The following JAKMIP1 variants were observed in gnomAD, a reference collection of about 807,000 sequenced individuals.
The protein encoded by JAKMIP1 is janus kinase and microtubule interacting protein 1.
Under a neutral mutation model 113.0 loss-of-function variants are expected in JAKMIP1, and 33 were observed. The observed-to-expected ratio is 0.29, with a 90% CI of 0.22 to 0.39. JAKMIP1 has a LOEUF of 0.39. Among genes scored for constraint, JAKMIP1 ranks in the 10% least tolerant of loss-of-function variants. JAKMIP1 has a pLI of 1.00. For missense variants in JAKMIP1, 813 were observed against 1,080.5 expected (o/e 0.75, Z 3.47); for synonymous variants, 480 against 459.9 (o/e 1.04, Z -0.56).
chr4:6,082,256 T>C (rs910233330), intron 5 of JAKMIP1, among the ~76,000 whole-genome samples: 3 of 151,990 alleles, frequency 2.0e-5, no homozygotes, highest in African/African-American at 7.2e-5. Context: ...GGACTGACTC[T>C]AGACCCCTGC....
intron 3 of JAKMIP1, among the ~76,000 whole-genome samples, chr4:6,098,751 G>A (rs112169525): frequency 6.6e-5 from 8 of 120,938 alleles, no homozygotes; most frequent in Admixed American, 2.6e-4. Context: ...AAGGAAGGAA[G>A]GAAAGAAAGA....
rs997131192 is a variant in JAKMIP1, at chr4:6,093,268, C to T, written c.625-7639G>A. 1.3e-5 allele frequency among the ~76,000 whole-genome samples: 2 copies of T among 152,342 alleles called. No individual in the cohort carries two copies. Among genetic ancestry groups the T allele is most frequent in the East Asian group, 3.9e-4 (2 of 5,188 alleles). ...TCCTATTACCAAACCGTCCTGCTCA[C>T]ACTAGAATAATCTGCTCACACTCCA... On this transcript the variant is annotated intron_variant, in intron 3 of 20. Transcript: ENST00000409021. This position sits in a 1 kb window ranked among gnomAD's most constrained non-coding sequence, Gnocchi z 4.6.
chr4:6,060,542 C>A (rs1451046228), intron 10 of JAKMIP1, 35 bp from the exon 11 acceptor site: 1 of 1,504,428 alleles, frequency 6.6e-7, no homozygotes, highest in Non-Finnish European at 9.3e-7. Context: ...GAGCAGGTCA[C>A]CTCCAATGGG....
chr4:6,106,539 CCTCTCT>C lies in JAKMIP1; in HGVS notation c.130-578_130-573del, dbSNP rs111859543. Among the ~76,000 whole-genome samples, 2 of 149,744 alleles carry C rather than the reference CCTCTCT, an allele frequency of 1.3e-5. No homozygotes were observed. Among genetic ancestry groups the C allele is most frequent in the African/African-American group, 4.9e-5 (2 of 40,746 alleles). ...GTGCTCCCTCTCTTTCTCCCTCTCT[CCTCTCT>C]CTCTCTCTCTCTTCCTCTCTCTCTC... On this transcript the variant is annotated intron_variant, in intron 2 of 20. Coordinates refer to ENST00000409021, the MANE Select transcript of JAKMIP1 (RefSeq NM_001099433.2). The surrounding 1 kb of genome is among the most constrained non-coding windows in gnomAD (Gnocchi z 5.9).
In JAKMIP1 at chr4:6,094,767, G is replaced by C. The variant is rs1722576796; in HGVS notation, c.625-9138C>G. Among the ~76,000 whole-genome samples the C allele has an allele frequency of 6.6e-6, 1 of 152,218 alleles. No individual in the cohort carries two copies. The highest frequency in any genetic ancestry group is 1.5e-5 in the Non-Finnish European group (1 of 68,042). On this transcript the variant is annotated intron_variant, in intron 3 of 20. Transcript: ENST00000409021. This position sits in a 1 kb window ranked among gnomAD's most constrained non-coding sequence, Gnocchi z 4.2. Reference sequence around the variant, plus strand: ...CCAGCACTTTGGGAGGCAGAGGCAGGACATTTGCTTTAGCTCAGGAGTTCA... The same window carrying C: ...CCAGCACTTTGGGAGGCAGAGGCAGCACATTTGCTTTAGCTCAGGAGTTCA...
chr4:6,100,016 T>C (rs145667848), intron 3 of JAKMIP1, among the ~76,000 whole-genome samples: 1 of 152,228 alleles, frequency 6.6e-6, no homozygotes, highest in African/African-American at 2.4e-5. Flanking sequence ...TTCTTCCTCT[T>C]ATAAATATGC....
chr4:6,164,383 G>C (rs4689351), intron 1 of JAKMIP1, among the ~76,000 whole-genome samples: 1 of 151,928 alleles, frequency 6.6e-6, no homozygotes, highest in Non-Finnish European at 1.5e-5. Context: ...CCTACTGCTC[G>C]GAAAAAAAAG....
intron 1 of JAKMIP1, among the ~76,000 whole-genome samples, chr4:6,114,017 A>G (rs1342689920): frequency 6.6e-6 from 1 of 152,220 alleles, no homozygotes; most frequent in Non-Finnish European, 1.5e-5. Flanking sequence ...ATCCTGTCCT[A>G]TCATCTTTGG....
intron 1 of JAKMIP1, among the ~76,000 whole-genome samples, chr4:6,119,564 C>G (rs1339767124): frequency 8.2e-6 from 1 of 121,312 alleles, no homozygotes; most frequent in African/African-American, 3.3e-5. Context: ...CAAACAACAA[C>G]AACAACAAAA....
intron 12 of JAKMIP1, among the ~76,000 whole-genome samples, chr4:6,054,440 A>G (rs1716070539): frequency 6.6e-6 from 1 of 152,176 alleles, no homozygotes; most frequent in Non-Finnish European, 1.5e-5. Flanking sequence ...TAAATGAATG[A>G]TGGGGAGACT....
intron 1 of JAKMIP1, among the ~76,000 whole-genome samples, chr4:6,118,818 G>A (rs1969245): frequency 0.98 from 149,924 of 152,224 alleles, 73,820 homozygotes; most frequent in East Asian, 1. Context: ...GGCCCCCAAA[G>A]AAATACGATC....
At chr4:6,052,513 G>A (rs904835745) in intron 13 of JAKMIP1, among the ~76,000 whole-genome samples, 1 of 152,060 alleles carries the variant, frequency 6.6e-6, no homozygotes, top group African/African-American at 2.4e-5. Flanking sequence ...GGGTGAGGAG[G>A]TGTGTGCCTG....
Position 6,167,619 on chromosome 4 carries a change from G to A in JAKMIP1, c.-148+32634C>T, listed in dbSNP as rs879622280. ...AAGGAGCCCCAAAAACTACATAGCC[G>A]TTTCTGACAACCACCAGCCCTAACC... On this transcript the variant is annotated intron_variant, in intron 1 of 20. Transcript: ENST00000409021. The surrounding 1 kb of genome is among the most constrained non-coding windows in gnomAD (Gnocchi z 5.3). 9.9e-5 allele frequency among the ~76,000 whole-genome samples: 15 copies of A among 152,216 alleles called. No individual in the cohort carries two copies. Among genetic ancestry groups the A allele is most frequent in the East Asian group, 9.7e-4 (5 of 5,174 alleles).
chr4:6,110,766 C>G (rs931568360), intron 2 of JAKMIP1, among the ~76,000 whole-genome samples: 6 of 150,424 alleles, frequency 4.0e-5, no homozygotes, highest in Non-Finnish European at 8.9e-5. Flanking sequence ...CTTATAAGAC[C>G]TCAGGCAGGG....
intron 1 of JAKMIP1, among the ~76,000 whole-genome samples, chr4:6,120,448 G>A (rs1460751275): frequency 6.6e-6 from 1 of 152,104 alleles, no homozygotes; most frequent in Non-Finnish European, 1.5e-5. Flanking sequence ...GTGGAAAACT[G>A]GAAATAACCT....
chr4:6,062,206 G>T, intron 10 of JAKMIP1, 106 bp downstream of exon 10: 1 of 1,253,768 alleles, frequency 8.0e-7, no homozygotes, highest in Non-Finnish European at 1.2e-6. Flanking sequence ...CCACCTCTCA[G>T]AATCCCCTCT....
Position 6,044,197 on chromosome 4 carries a change from G to T in JAKMIP1, c.2029-1970C>A, listed in dbSNP as rs899935056. Among the ~76,000 whole-genome samples, 1 of 152,006 alleles carries T rather than the reference G, an allele frequency of 6.6e-6. No homozygotes were observed. Among genetic ancestry groups the T allele is most frequent in the Non-Finnish European group, 1.5e-5 (1 of 68,014 alleles). On this transcript the variant is annotated intron_variant, in intron 16 of 20. Transcript: ENST00000409021. This position sits in a 1 kb window ranked among gnomAD's most constrained non-coding sequence, Gnocchi z 4.4. ...GTAGCACTCACCTGACAGCGCTGTT[G>T]TCTGTTTCACCCCTCACCCCGCTGC...
At position 6,044,221 on chromosome 4, in the gene JAKMIP1, GC is replaced by G. The variant is rs1032351506; in HGVS notation, c.2029-1995del. 6.6e-6 allele frequency among the ~76,000 whole-genome samples: 1 copy of G among 152,150 alleles called. No individual in the cohort carries two copies. Among genetic ancestry groups the G allele is most frequent in the South Asian group, 2.1e-4 (1 of 4,812 alleles). ...TGTCTGTTTCACCCCTCACCCCGCT[GC>G]CCCCCTTGAAGGTGGGGACCACATT... On this transcript the variant is annotated intron_variant, in intron 16 of 20. Coordinates refer to ENST00000409021, the MANE Select transcript of JAKMIP1 (RefSeq NM_001099433.2). This position sits in a 1 kb window ranked among gnomAD's most constrained non-coding sequence, Gnocchi z 4.4.
rs1260947280 is a variant in JAKMIP1 at position 6,181,055 on chromosome 4, G to A, written c.-148+19198C>T. On this transcript the variant is annotated intron_variant, in intron 1 of 20. Coordinates refer to ENST00000409021, the MANE Select transcript of JAKMIP1 (RefSeq NM_001099433.2). This position sits in a 1 kb window ranked among gnomAD's most constrained non-coding sequence, Gnocchi z 5.4. ...CAAGTAACCACACCACCAAGAACAAGAAGGGGTAGTCAGTGACTTCCAAGC... is the reference window on the plus strand; with the variant it reads ...CAAGTAACCACACCACCAAGAACAAAAAGGGGTAGTCAGTGACTTCCAAGC... Among the ~76,000 whole-genome samples the A allele has an allele frequency of 1.3e-5, 2 of 152,040 alleles. No homozygotes were observed.
Sources: gnomAD v4.1 joint callset for allele counts (sites outside exome capture counted in the v4.1 genomes callset) on GRCh38, gnomAD v4.1.1 for gene constraint, Gnocchi (gnomAD v3.1) non-coding constraint, MANE v1.5 for transcripts, NCBI Gene and HGNC (gene_info 2026-07-23, HGNC 2026-07-21) for gene names.